The following ZNF236 variants were observed in gnomAD, a reference collection of about 807,000 sequenced individuals.
The protein encoded by ZNF236 is zinc finger protein 236.
A neutral mutation model predicts 191.2 loss-of-function variants in ZNF236; 50 were observed. That is an observed-to-expected ratio of 0.26 (90% CI 0.21 to 0.33). The LOEUF is 0.33. Ranked by LOEUF, ZNF236 falls within the 10% of genes least tolerant of loss-of-function variation. ZNF236 has a pLI of 1.00. For synonymous variants in ZNF236, 907 were observed against 928.8 expected (o/e 0.98, Z 0.43); for missense variants, 1,754 against 2,374.5 (o/e 0.74, Z 5.43).
intron 28 of ZNF236, among the ~76,000 whole-genome samples, chr18:76,957,748 T>C (rs923282633): frequency 2.0e-5 from 3 of 152,164 alleles, no homozygotes; most frequent in African/African-American, 4.8e-5. Context: ...CTCCCACTTA[T>C]CAGTGAGAAC....
chr18:76,826,376 G>A (rs1323513622), intron 1 of ZNF236, among the ~76,000 whole-genome samples: 2 of 148,316 alleles, frequency 1.3e-5, no homozygotes, highest in African/African-American at 2.5e-5. Context: ...CGCCCGCCTC[G>A]GCCTCCCAAA....
chr18:76,912,181 A>C, intron 16 of ZNF236, 63 bp from the exon 17 acceptor site: 2 of 1,252,722 alleles, frequency 1.6e-6, no homozygotes, highest in South Asian at 2.6e-5. Flanking sequence ...TTAGCTGCTC[A>C]GTTGTTTTAT....
chr18:76,834,577 G>A (rs1975267018), intron 1 of ZNF236: 1 of 477,852 alleles, frequency 2.1e-6, no homozygotes, highest in Non-Finnish European at 4.1e-6. Flanking sequence ...GTGAATGCCT[G>A]TGTGCACAGT....
In ZNF236 at chr18:76,905,193, G is replaced by A; in HGVS notation, c.2075G>A (p.Cys692Tyr). 1 of 1,614,116 alleles carries A rather than the reference G, an allele frequency of 6.2e-7. No homozygotes were observed. Among genetic ancestry groups the A allele is most frequent in the Non-Finnish European group, 8.5e-7 (1 of 1,180,018 alleles). The stretch of plus-strand genomic sequence containing the variant: ...GAAAAACCTTTTAAATGTTCTCAGT[G>A]TGGAAGAGGCTTTGTTTCTGCAGGC... ...TGEKPFKCSQ[C>Y]GRGFVSAGVL... is the part of the protein sequence containing the mutation. Residue 692 changes from cysteine (C) to tyrosine (Y), a missense_variant, in exon 13 of 31, where the codon TGT becomes TAT. Physicochemically the swap from Cys to Tyr is radical, Grantham distance 194. Around this residue, in one of 5 missense-constraint regions of ZNF236, gnomAD observed 641 missense variants for 869.6 expected, o/e 0.74. Coordinates refer to ENST00000320610, the MANE Select transcript of ZNF236 (RefSeq NM_001306089.2).
intron 1 of ZNF236, among the ~76,000 whole-genome samples, chr18:76,844,758 TA>T (rs1279066481): frequency 6.6e-6 from 1 of 152,248 alleles, no homozygotes; most frequent in Non-Finnish European, 1.5e-5. Flanking sequence ...ACATTTTGTA[TA>T]AATCAATGTA....
intron 5 of ZNF236, 139 bp downstream of exon 5, chr18:76,871,964 TTGTG>T: frequency 9.3e-7 from 1 of 1,070,868 alleles, no homozygotes; most frequent in Non-Finnish European, 1.3e-6. Context: ...TAGTTACTCT[TTGTG>T]TGATTTTATT....
At chr18:76,822,919 G>A (rs563113891) in intron 1 of ZNF236, among the ~76,000 whole-genome samples, 63 of 148,278 alleles carry the variant, frequency 4.2e-4, no homozygotes, top group Non-Finnish European at 7.4e-4. Context: ...GGCGGGAGGC[G>A]GGAGGCGGGT....
intron 1 of ZNF236, among the ~76,000 whole-genome samples, chr18:76,825,252 A>T (rs956370394): frequency 6.6e-6 from 1 of 152,186 alleles, no homozygotes; most frequent in African/African-American, 2.4e-5. Context: ...TCCCTTCTGA[A>T]CACCAGTCCT....
intron 25 of ZNF236, among the ~76,000 whole-genome samples, chr18:76,933,095 A>G (rs1035914492): frequency 7.2e-5 from 11 of 152,352 alleles, no homozygotes; most frequent in African/African-American, 2.2e-4. Context: ...TATGCAGCTG[A>G]CATTTCTGTA....
chr18:76,832,027 GA>G (rs1975183401), intron 1 of ZNF236, among the ~76,000 whole-genome samples: 1 of 152,070 alleles, frequency 6.6e-6, no homozygotes, highest in Admixed American at 6.6e-5. Context: ...AATAATATTT[GA>G]AAATAAGTAA....
At chr18:76,947,707 T>G (rs1179871950) in intron 27 of ZNF236, 55 bp downstream of exon 27, 3 of 1,583,972 alleles carry the variant, frequency 1.9e-6, no homozygotes, top group African/African-American at 2.7e-5. Flanking sequence ...AACATACAGA[T>G]TCAGAAGGGA....
chr18:76,925,271 G>A lies in ZNF236; in HGVS notation c.3744G>A (p.Thr1248=), dbSNP rs761026758. 9.3e-6 allele frequency: 15 copies of A among 1,614,064 alleles called. No individual in the cohort carries two copies. The highest frequency in any genetic ancestry group is 5.0e-5 in the Admixed American group (3 of 60,000). Residue 1248 remains threonine, a synonymous_variant, in exon 22 of 31, where the codon ACG becomes ACA. Coordinates refer to ENST00000320610, the MANE Select transcript of ZNF236 (RefSeq NM_001306089.2). The surrounding 1 kb of genome is among the most constrained non-coding windows in gnomAD (Gnocchi z 5.7). ...GSLKVHMRLH[T]GAKPFKCPHC... ...TGAAGGTCCACATGCGCCTGCACAC[G>A]GGAGCCAAGCCCTTCAAATGCCCGC...
chr18:76,942,732 T>C (rs1968161197), intron 26 of ZNF236, among the ~76,000 whole-genome samples: 1 of 148,338 alleles, frequency 6.7e-6, no homozygotes, highest in Non-Finnish European at 1.5e-5. Context: ...GCCAGGATGG[T>C]CTTGATCTCC....
At position 76,861,894 on chromosome 18, in the gene ZNF236, C is replaced by T. The variant is rs571955224; in HGVS notation, c.364-6791C>T. ...TTCTTTTCTTTTTGAGACAGAGTTTCGCTCTTGTCGCCCGGGCTGGAGTGC... is the reference window on the plus strand; with the variant it reads ...TTCTTTTCTTTTTGAGACAGAGTTTTGCTCTTGTCGCCCGGGCTGGAGTGC... On this transcript the variant is annotated intron_variant, in intron 3 of 30. Transcript: ENST00000320610. 1.1e-4 allele frequency among the ~76,000 whole-genome samples: 17 copies of T among 152,262 alleles called. No individual in the cohort carries two copies. In the South Asian group the frequency reaches 3.1e-3, roughly 28 times the overall value.
At chr18:76,850,330 A>G (rs1275780495) in intron 2 of ZNF236, among the ~76,000 whole-genome samples, 2 of 152,220 alleles carry the variant, frequency 1.3e-5, no homozygotes, top group African/African-American at 4.8e-5. Context: ...TGACCATCTC[A>G]GGCTTGACTT....
In ZNF236 at chr18:76,968,647, A is replaced by G. The variant is rs887335386; in HGVS notation, c.*308A>G. 10 of 1,093,348 alleles carry G rather than the reference A, an allele frequency of 9.1e-6. No homozygotes were observed. In the Admixed American group the frequency reaches 4.3e-4, roughly 47 times the overall value. The allele number at this position is 1,093,348 out of a possible 1,614,324, so 67.7% of individuals were successfully genotyped here. A position where few individuals can be genotyped will look rare whatever the true frequency, so the allele number is the denominator to read the frequency against. On this transcript the variant is annotated 3_prime_UTR_variant, in exon 31 of 31. Transcript: ENST00000320610. ...ACGAAGCAATTAACTGGGTCTTACT[A>G]TCATTGTAGTGTGATTTCTTTGTAT...
chr18:76,964,514 G>A (rs1968729541), intron 30 of ZNF236, among the ~76,000 whole-genome samples: 1 of 152,140 alleles, frequency 6.6e-6, no homozygotes, highest in African/African-American at 2.4e-5. Context: ...TCCATCTGCT[G>A]TTAAATATAA....
In ZNF236 at chr18:76,849,769, ATAG is replaced by A. The variant is rs1024479844; in HGVS notation, c.198+105_198+107del. 5 of 1,089,614 alleles carry A rather than the reference ATAG, an allele frequency of 4.6e-6. No individual in the cohort carries two copies. In the African/African-American group the frequency reaches 4.9e-5, roughly 11 times the overall value. 67.5% of individuals were successfully genotyped at this position (1,089,614 alleles called of 1,614,324 possible). On this transcript the variant is annotated intron_variant, in intron 2 of 30. Transcript: ENST00000320610. ...CAAAACTTTTAATTTAGGTTCCTAA[ATAG>A]TAGAACATTTTATATTCTACAAATA...
At chr18:76,948,616 C>T (rs570044197) in intron 27 of ZNF236, among the ~76,000 whole-genome samples, 9 of 152,184 alleles carry the variant, frequency 5.9e-5, no homozygotes, top group African/African-American at 1.7e-4. Flanking sequence ...AACCCAGGCA[C>T]GAGCTTCCCA....
Sources: gnomAD v4.1 joint callset for allele counts (sites outside exome capture counted in the v4.1 genomes callset) on GRCh38, gnomAD v4.1.1 for gene constraint, gnomAD v4.1.1 regional missense constraint, Gnocchi (gnomAD v3.1) non-coding constraint, MANE v1.5 for transcripts, NCBI Gene and HGNC (gene_info 2026-07-23, HGNC 2026-07-21) for gene names.